TMEM51: variants seen among roughly 807,000 people sequenced by gnomAD.
The protein encoded by TMEM51 is transmembrane protein 51, also known as chromosome 1 open reading frame 72.
In TMEM51, 8 loss-of-function variants were observed where a neutral mutation model predicts 13.6. That is an observed-to-expected ratio of 0.59 (90% CI 0.35 to 1.07). TMEM51 has a LOEUF of 1.07. Ranked by LOEUF, TMEM51 falls within the 50% of genes least tolerant of loss-of-function variation. The pLI, the probability that TMEM51 is intolerant of heterozygous loss-of-function variation, is 0.02. For missense variants in TMEM51, 279 were observed against 330.7 expected (o/e 0.84, Z 1.21); for synonymous variants, 147 against 144.4 (o/e 1.02, Z -0.13).
chr1:15,155,413 G>A (rs552072697), intron 1 of TMEM51, among the ~76,000 whole-genome samples: 23 of 152,360 alleles, frequency 1.5e-4, no homozygotes, highest in Non-Finnish European at 2.6e-4. Flanking sequence ...TTCTTCATCT[G>A]TAAAATGGGA....
At chr1:15,154,698 GA>G (rs1642527233) in intron 1 of TMEM51, among the ~76,000 whole-genome samples, 1 of 152,194 alleles carries the variant, frequency 6.6e-6, no homozygotes, top group African/African-American at 2.4e-5. Context: ...TGCATTACAG[GA>G]TAATGGTCTC....
intron 3 of TMEM51, among the ~76,000 whole-genome samples, chr1:15,216,121 A>C (rs999992680): frequency 6.6e-6 from 1 of 152,024 alleles, no homozygotes. Flanking sequence ...CAGCATTTTG[A>C]CCCGCCCAGG....
intron 1 of TMEM51, among the ~76,000 whole-genome samples, chr1:15,181,370 C>T (rs558201382): frequency 6.6e-6 from 1 of 152,168 alleles, no homozygotes; most frequent in Admixed American, 6.5e-5. Flanking sequence ...GTCCTTCATG[C>T]CTTTGAGGAA....
Position 15,220,390 on chromosome 1 carries a change from AAAAG to A in TMEM51, c.*650_*653del, listed in dbSNP as rs1006086978. On this transcript the variant is annotated 3_prime_UTR_variant, in exon 4 of 4. Coordinates refer to ENST00000376008, the MANE Select transcript of TMEM51 (RefSeq NM_001136218.2). ...CTGTGTAACAGCAAAAAAAAAAAAA[AAAAG>A]AAGAAGAAAGAAAACTGTAGGAAAT... 12 of 152,088 alleles carry A rather than the reference AAAAG, an allele frequency of 7.9e-5. No individual in the cohort carries two copies. The highest frequency in any genetic ancestry group is 4.2e-4 in the South Asian group (2 of 4,818). 9.4% of individuals were successfully genotyped at this position (152,088 alleles called of 1,614,324 possible).
At chr1:15,217,028 G>A (rs1644442592) in intron 3 of TMEM51, among the ~76,000 whole-genome samples, 1 of 152,176 alleles carries the variant, frequency 6.6e-6, no homozygotes, top group Non-Finnish European at 1.5e-5. Context: ...TTTATAGTGG[G>A]AAGGGAATTG....
chr1:15,199,007 G>A (rs916933574), intron 1 of TMEM51, among the ~76,000 whole-genome samples: 1 of 152,212 alleles, frequency 6.6e-6, no homozygotes, highest in African/African-American at 2.4e-5. Flanking sequence ...ACTGAGCCCT[G>A]TGAAATCGTT....
At chr1:15,210,146 T>G (rs1644316185) in intron 1 of TMEM51, among the ~76,000 whole-genome samples, 1 of 152,208 alleles carries the variant, frequency 6.6e-6, no homozygotes, top group Non-Finnish European at 1.5e-5. Context: ...TTTCCTCTCC[T>G]GCCTTGTTCT....
intron 1 of TMEM51, among the ~76,000 whole-genome samples, chr1:15,164,686 A>G (rs1229017707): frequency 6.6e-6 from 1 of 151,948 alleles, no homozygotes; most frequent in Non-Finnish European, 1.5e-5. Flanking sequence ...TAGATTAGGC[A>G]CCTAAAATTT....
intron 1 of TMEM51, among the ~76,000 whole-genome samples, chr1:15,163,638 T>TTTTTTTTTTTTTTTGA (rs1553197690): frequency 1.3e-5 from 2 of 151,292 alleles, no homozygotes; most frequent in Non-Finnish European, 3.0e-5. Context: ...TGTTATTTTT[T>TTTTTTTTTTTTTTTGA]GTAATAATAG....
chr1:15,166,458 C>T (rs1174716743), intron 1 of TMEM51, among the ~76,000 whole-genome samples: 2 of 152,198 alleles, frequency 1.3e-5, no homozygotes, highest in African/African-American at 2.4e-5. Flanking sequence ...CGGTGGCTCA[C>T]ACTGTAATCC....
At chr1:15,169,755 T>C (rs1292941531) in intron 1 of TMEM51, among the ~76,000 whole-genome samples, 1 of 152,184 alleles carries the variant, frequency 6.6e-6, no homozygotes, top group Admixed American at 6.5e-5. Context: ...CTGAAAGACA[T>C]AGAAAGATGA....
chr1:15,203,926 T>C (rs555540268), intron 1 of TMEM51, among the ~76,000 whole-genome samples: 2 of 152,348 alleles, frequency 1.3e-5, no homozygotes, highest in African/African-American at 4.8e-5. Context: ...GCCTCTGATC[T>C]GGAGCCCAGG....
At chr1:15,216,194 G>A (rs1644430544) in intron 3 of TMEM51, among the ~76,000 whole-genome samples, 1 of 152,172 alleles carries the variant, frequency 6.6e-6, no homozygotes, top group South Asian at 2.1e-4. Context: ...AGCATGCTGT[G>A]TGTATGCTTT....
intron 1 of TMEM51, chr1:15,171,113 C>G: frequency 9.1e-7 from 1 of 1,099,884 alleles, no homozygotes; most frequent in Non-Finnish European, 1.2e-6. Flanking sequence ...CCACCCCCCG[C>G]CACATCCCCC....
At chr1:15,191,703 T>C (rs1427536441) in intron 1 of TMEM51, 1 of 310,882 alleles carries the variant, frequency 3.2e-6, no homozygotes, top group African/African-American at 2.2e-5. Context: ...TCATCCCAAA[T>C]GCAAATATAT....
At chr1:15,159,025 C>A (rs1317581499) in intron 1 of TMEM51, among the ~76,000 whole-genome samples, 1 of 152,120 alleles carries the variant, frequency 6.6e-6, no homozygotes, top group Non-Finnish European at 1.5e-5. Context: ...AATGTAGCTC[C>A]GGTTATACTG....
intron 1 of TMEM51, chr1:15,168,354 G>A: frequency 2.0e-6 from 2 of 1,007,820 alleles, no homozygotes; most frequent in Non-Finnish European, 2.6e-6. Flanking sequence ...CCAAAAGAAA[G>A]AAGGGGAATG....
intron 1 of TMEM51, among the ~76,000 whole-genome samples, chr1:15,182,030 G>A (rs1643630674): frequency 6.6e-6 from 1 of 151,932 alleles, no homozygotes; most frequent in Non-Finnish European, 1.5e-5. Flanking sequence ...GCGTGGTGGT[G>A]TGCACCTGTA....
chr1:15,215,336 G>A lies in TMEM51; in HGVS notation c.249G>A (p.Leu83=), dbSNP rs1290623048. The stretch of plus-strand genomic sequence containing the variant: ...TGCTGCTGCTGCTTTCTATCTGCCT[G>A]AGTATCAGGGATAAGAGGAAGCAGC... ...GVMLLLLSIC[L]SIRDKRKQRQ... The change falls in exon 3 of 4, where the codon CTG becomes CTA. Residue 83 remains leucine, a synonymous_variant. Transcript: ENST00000376008. 1 of 1,613,990 alleles carries A rather than the reference G, an allele frequency of 6.2e-7. No homozygotes were observed. Among genetic ancestry groups the A allele is most frequent in the Non-Finnish European group, 8.5e-7 (1 of 1,180,046 alleles).
Sources: allele counts gnomAD v4.1 joint callset (sites outside exome capture counted in the v4.1 genomes callset), GRCh38; gene constraint gnomAD v4.1.1; transcripts MANE v1.5; gene names NCBI Gene and HGNC (gene_info 2026-07-23, HGNC 2026-07-21).